Variants in TUFT1 observed in about 807,000 individuals in gnomAD.
The protein encoded by TUFT1 is tuftelin.
TUFT1 carries 43 observed loss-of-function variants against 57.8 expected under a neutral mutation model. The observed-to-expected ratio is 0.74, with a 90% confidence interval of 0.58 to 0.96. The LOEUF is 0.96. Ranked by LOEUF, TUFT1 falls within the 40% of genes least tolerant of loss-of-function variation. The probability of loss-of-function intolerance (pLI) is 0.00; values close to 1 mark genes in which losing one functional copy is unlikely to be tolerated. For missense variants in TUFT1, 459 were observed against 489.0 expected (o/e 0.94, Z 0.58); for synonymous variants, 166 against 176.7 (o/e 0.94, Z 0.48).
chr1:151,550,051 T>C (rs1665460414), intron 1 of TUFT1, among the ~76,000 whole-genome samples: 1 of 151,852 alleles, frequency 6.6e-6, no homozygotes, highest in African/African-American at 2.4e-5. Flanking sequence ...TCCTTCTCTT[T>C]ATATGTTTTA....
At chr1:151,552,195 ATTG>A (rs770740516) in intron 1 of TUFT1, among the ~76,000 whole-genome samples, 6 of 152,106 alleles carry the variant, frequency 3.9e-5, no homozygotes, top group East Asian at 1.9e-4. Flanking sequence ...ATTCTTTTTC[ATTG>A]TTGTACAAAG....
At chr1:151,560,956 T>TTGTGTGTGTGTG (rs68056033) in intron 1 of TUFT1, among the ~76,000 whole-genome samples, 20 of 132,538 alleles carry the variant, frequency 1.5e-4, no homozygotes, top group African/African-American at 4.2e-4. Context: ...CTGCAAAGTA[T>TTGTGTGTGTGTG]TGTGTGTGTG....
At chr1:151,572,284 T>G (rs1666277745) in intron 7 of TUFT1, among the ~76,000 whole-genome samples, 1 of 152,166 alleles carries the variant, frequency 6.6e-6, no homozygotes, top group Non-Finnish European at 1.5e-5. Context: ...TGGGCTAGGT[T>G]GGCACACCTT....
chr1:151,562,084 T>C lies in TUFT1; in HGVS notation c.61-7T>C, dbSNP rs1665914503. 2 of 1,613,848 alleles carry C rather than the reference T, an allele frequency of 1.2e-6. No homozygotes were observed. Among genetic ancestry groups the C allele is most frequent in the Admixed American group, 1.7e-5 (1 of 60,024 alleles). On this transcript the variant is annotated splice_polypyrimidine_tract_variant and splice_region_variant and intron_variant, in intron 1 of 12. Transcript: ENST00000368849. ...GGGGTTATTGTTGCTGTCATTGTCATTATTAGGGCAGCGTGGACATTCTCA... is the reference window on the plus strand; with the variant it reads ...GGGGTTATTGTTGCTGTCATTGTCACTATTAGGGCAGCGTGGACATTCTCA...
Position 151,563,908 on chromosome 1 carries a change from A to G in TUFT1, c.242A>G (p.Tyr81Cys), listed in dbSNP as rs1432524255. 6.2e-7 allele frequency: 1 copy of G among 1,613,838 alleles called. No homozygotes were observed. The highest frequency in any genetic ancestry group is 1.3e-5 in the African/African-American group (1 of 74,900). ...HDGHEEIIKV[Y>C]LKGRSGDKMI... ...TAAATGGTGTTCTTATTTCAGGTGT[A>G]CTTGAAGGGGAGGTCTGGAGACAAG... The change falls in exon 4 of 13, where the codon TAC becomes TGC. Residue 81 changes from tyrosine to cysteine, a missense_variant. Coordinates refer to ENST00000368849, the MANE Select transcript of TUFT1 (RefSeq NM_020127.3).
At chr1:151,574,149 C>T (rs1219291338) in intron 7 of TUFT1, 121 bp from the exon 8 acceptor site, 12 of 1,264,348 alleles carry the variant, frequency 9.5e-6, no homozygotes, top group Non-Finnish European at 1.2e-5. Flanking sequence ...CCATCAGTGT[C>T]ACCACCTTTC....
intron 9 of TUFT1, among the ~76,000 whole-genome samples, chr1:151,576,192 T>C (rs1283931392): frequency 6.6e-6 from 1 of 152,118 alleles, no homozygotes; most frequent in Non-Finnish European, 1.5e-5. Flanking sequence ...CATGTTGCAT[T>C]GTACCCCAAG....
Position 151,563,976 on chromosome 1 carries a change from C to T in TUFT1, c.310C>T (p.Gln104Ter), listed in dbSNP as rs1372821446. ...KNINQLKSEV[Q>*]YIQEARNCLQ... ...TATTAACCAGCTGAAGAGTGAGGTC[C>T]AGTACATCCAGGAGGTGGGCACCCC... is the stretch of plus-strand genomic sequence containing the variant. The change falls in exon 4 of 13, where the codon CAG (glutamine) becomes TAG (stop). Residue 104 changes from glutamine (Q) to a stop codon, truncating the protein, a stop_gained. Coordinates refer to ENST00000368849, the MANE Select transcript of TUFT1 (RefSeq NM_020127.3). LOFTEE classifies it high-confidence loss of function. 1.2e-6 allele frequency: 2 copies of T among 1,614,032 alleles called. No homozygotes were observed. The highest frequency in any genetic ancestry group is 1.7e-6 in the Non-Finnish European group (2 of 1,179,950).
At chr1:151,547,299 C>T (rs1665370701) in intron 1 of TUFT1, among the ~76,000 whole-genome samples, 1 of 152,164 alleles carries the variant, frequency 6.6e-6, no homozygotes, top group Non-Finnish European at 1.5e-5. Context: ...TAACATTTGC[C>T]CATAGTTCTC....
intron 7 of TUFT1, among the ~76,000 whole-genome samples, chr1:151,572,272 G>C (rs1393970754): frequency 2.0e-5 from 3 of 151,982 alleles, no homozygotes; most frequent in Non-Finnish European, 4.4e-5. Flanking sequence ...CATTCCCACT[G>C]TTGGGCTAGG....
intron 1 of TUFT1, among the ~76,000 whole-genome samples, chr1:151,544,180 T>G (rs1665258484): frequency 6.6e-6 from 1 of 152,132 alleles, no homozygotes; most frequent in Non-Finnish European, 1.5e-5. Flanking sequence ...GGGTTCTCAC[T>G]ATGTTGCCCA....
intron 1 of TUFT1, chr1:151,557,618 AGGAACAGTTTGCCT>A: frequency 9.3e-7 from 1 of 1,070,382 alleles, no homozygotes; most frequent in Non-Finnish European, 1.5e-6. Context: ...GGCTACGTGA[AGGAACAGTTTGCCT>A]GGAGACATTT....
chr1:151,581,418 CCT>C, intron 12 of TUFT1, among the ~76,000 whole-genome samples: 1 of 152,188 alleles, frequency 6.6e-6, no homozygotes, highest in South Asian at 2.1e-4. Context: ...TTTAACTGCC[CCT>C]CTCTTTTCTT....
Position 151,580,927 on chromosome 1 carries a change from A to C in TUFT1, c.1009-15A>C. 1 of 1,613,080 alleles carries C rather than the reference A, an allele frequency of 6.2e-7. No homozygotes were observed. On this transcript the variant is annotated splice_polypyrimidine_tract_variant and intron_variant, in intron 11 of 12. Coordinates refer to ENST00000368849, the MANE Select transcript of TUFT1 (RefSeq NM_020127.3). Reference sequence around the variant, plus strand: ...CAGAAAAAGGCCAACTCTAACCCCTAAGCTTGTGTTACAGAATTTAGAGAT... The same window carrying C: ...CAGAAAAAGGCCAACTCTAACCCCTCAGCTTGTGTTACAGAATTTAGAGAT...
At chr1:151,575,067 C>A in intron 9 of TUFT1, 62 bp downstream of exon 9, 1 of 1,415,312 alleles carries the variant, frequency 7.1e-7, no homozygotes. Context: ...GCAGGCCATA[C>A]AGCCTGTTGC....
chr1:151,574,321 CAGAGAGAGG>C lies in TUFT1; in HGVS notation c.649_657del (p.Arg217_Glu219del). On this transcript the variant is annotated inframe_deletion, in exon 8 of 13. Transcript: ENST00000368849. ...AGCAGAACAAAGTAATGTGGCCCTT[CAGAGAGAGG>C]AGGACAGAGTGGAGCAGAAAGAGGC... 1 of 1,614,130 alleles carries C rather than the reference CAGAGAGAGG, an allele frequency of 6.2e-7. No individual in the cohort carries two copies. The highest frequency in any genetic ancestry group is 1.1e-5 in the South Asian group (1 of 91,078).
At chr1:151,545,244 C>T (rs1348689569) in intron 1 of TUFT1, among the ~76,000 whole-genome samples, 2 of 151,776 alleles carry the variant, frequency 1.3e-5, no homozygotes, top group South Asian at 2.1e-4. Context: ...CAGGAGGTGG[C>T]GGTTGCAGTG....
chr1:151,568,536 T>C (rs959409685), intron 6 of TUFT1, among the ~76,000 whole-genome samples: 1 of 152,244 alleles, frequency 6.6e-6, no homozygotes. Flanking sequence ...AACAGTCTTA[T>C]GAGAACACTC....
Position 151,575,004 on chromosome 1 carries a change from A to C in TUFT1, c.817A>C (p.Lys273Gln), listed in dbSNP as rs769264125. 12 of 1,558,400 alleles carry C rather than the reference A, an allele frequency of 7.7e-6. No individual in the cohort carries two copies. Among genetic ancestry groups the C allele is most frequent in the Non-Finnish European group, 1.0e-5 (12 of 1,150,656 alleles). Residue 273 changes from lysine (K) to glutamine (Q), a missense_variant and splice_region_variant, in exon 9 of 13, where the codon AAG becomes CAG. Transcript: ENST00000368849. ...TGCTGACTGCCAAGCAGAACGAGAA[A>C]AGTAAGGGCTTGGCTCTTGTTCACG... is the stretch of plus-strand genomic sequence containing the variant. ...NNADCQAERE[K>Q]AATLEKEVAG...
Sources: gnomAD v4.1 joint callset for allele counts (sites outside exome capture counted in the v4.1 genomes callset) on GRCh38, gnomAD v4.1.1 for gene constraint, MANE v1.5 for transcripts, NCBI Gene and HGNC (gene_info 2026-07-23, HGNC 2026-07-21) for gene names.